ELMO1: variants seen among roughly 807,000 people sequenced by gnomAD.
ELMO1 encodes the protein engulfment and cell motility 1.
Under a neutral mutation model 98.9 loss-of-function variants are expected in ELMO1, and 26 were observed. The observed-to-expected ratio is 0.26, with a 90% CI of 0.19 to 0.36. The LOEUF (loss-of-function observed/expected upper bound fraction) is 0.36, where lower values mean the gene tolerates loss of function less well. Ranked by LOEUF, ELMO1 falls within the 10% of genes least tolerant of loss-of-function variation. ELMO1 has a pLI of 1.00. For synonymous variants in ELMO1, 346 were observed against 346.0 expected (o/e 1.00, Z 0.00); for missense variants, 627 against 935.2 (o/e 0.67, Z 4.30).
intron 1 of ELMO1, among the ~76,000 whole-genome samples, chr7:37,347,621 C>T (rs537015509): frequency 1.6e-4 from 24 of 152,252 alleles, no homozygotes; most frequent in African/African-American, 3.6e-4. Flanking sequence ...TCCTGTCTGC[C>T]GCCATGTAAG....
At chr7:37,319,357 G>A (rs983216866) in intron 2 of ELMO1, among the ~76,000 whole-genome samples, 5 of 152,102 alleles carry the variant, frequency 3.3e-5, no homozygotes, top group Admixed American at 1.3e-4. Flanking sequence ...CAGATATAAG[G>A]TGCTAACAGG....
rs1194784097 is a variant in ELMO1, at chr7:37,314,876, T to C, written c.166A>G (p.Ser56Gly). The C allele has an allele frequency of 3.1e-6, 5 of 1,613,726 alleles. No homozygotes were observed. The African/African-American group carries it at 4.0e-5, about 13-fold the overall frequency. The change falls in exon 4 of 22, where the codon AGT becomes GGT. Residue 56 changes from serine to glycine, a missense_variant. Coordinates refer to ENST00000310758, the MANE Select transcript of ELMO1 (RefSeq NM_014800.11). Reference protein sequence around the residue: ...HEYFALQHADSSNFYITEKNR... With the variant: ...HEYFALQHADGSNFYITEKNR... Reference sequence around the variant, plus strand: ...TTTTCTGTGATATAGAAGTTTGAACTATCGGCATGCTGGAGTGCAAAATAT... The same window carrying C: ...TTTTCTGTGATATAGAAGTTTGAACCATCGGCATGCTGGAGTGCAAAATAT...
chr7:37,013,458 AAG>A, intron 15 of ELMO1, 23 bp from the exon 16 acceptor site: 1 of 1,612,938 alleles, frequency 6.2e-7, no homozygotes, highest in Non-Finnish European at 8.5e-7. Context: ...GATGGAAAAT[AAG>A]AGAAAAAGTT....
chr7:37,154,809 A>C (rs566387420), intron 13 of ELMO1, among the ~76,000 whole-genome samples: 7 of 152,236 alleles, frequency 4.6e-5, no homozygotes, highest in Admixed American at 4.6e-4. Context: ...GGAAATACAC[A>C]GAATACCACA....
intron 16 of ELMO1, among the ~76,000 whole-genome samples, chr7:37,003,273 G>A (rs566348681): frequency 3.3e-5 from 5 of 152,234 alleles, no homozygotes; most frequent in South Asian, 4.1e-4. Context: ...CTTTAATCCC[G>A]GGTACTCGGG....
At chr7:37,338,258 A>G (rs764092738) in intron 2 of ELMO1, among the ~76,000 whole-genome samples, 4 of 152,216 alleles carry the variant, frequency 2.6e-5, no homozygotes, top group Non-Finnish European at 5.9e-5. Flanking sequence ...AGCCTTTCAC[A>G]GAAAGCAGGG....
intron 2 of ELMO1, among the ~76,000 whole-genome samples, chr7:37,334,409 G>A (rs747087803): frequency 3.9e-5 from 6 of 152,026 alleles, no homozygotes; most frequent in Non-Finnish European, 5.9e-5. Context: ...TTGCACCATC[G>A]CACTCCAGCC....
intron 15 of ELMO1, among the ~76,000 whole-genome samples, chr7:37,048,237 G>A (rs1005926491): frequency 6.6e-6 from 1 of 152,188 alleles, no homozygotes; most frequent in Non-Finnish European, 1.5e-5. Context: ...AACCAAAAGT[G>A]TCTCCAGACA....
Position 36,909,770 on chromosome 7 carries a change from G to A in ELMO1, c.1438-14753C>T, listed in dbSNP as rs76628283. On this transcript the variant is annotated intron_variant, in intron 16 of 21. Coordinates refer to ENST00000310758, the MANE Select transcript of ELMO1 (RefSeq NM_014800.11). ...TTTGCTTTGGTTATATTTAAAAAATGGAAAGTCTTTTTCTTCAAGGATTTA... is the reference window on the plus strand; with the variant it reads ...TTTGCTTTGGTTATATTTAAAAAATAGAAAGTCTTTTTCTTCAAGGATTTA... Among the ~76,000 whole-genome samples the A allele has an allele frequency of 2.8e-3, 419 of 152,282 alleles. 5 individuals carry two copies. The highest frequency in any genetic ancestry group is 9.4e-3 in the African/African-American group (392 of 41,550).
intron 19 of ELMO1, among the ~76,000 whole-genome samples, chr7:36,874,828 A>G (rs1309463806): frequency 1.3e-5 from 2 of 152,162 alleles, no homozygotes; most frequent in Non-Finnish European, 2.9e-5. Flanking sequence ...GGATATGGGG[A>G]GAGGGGGGAT....
intron 16 of ELMO1, among the ~76,000 whole-genome samples, chr7:36,935,082 GCTC>G (rs1474026950): frequency 6.6e-6 from 1 of 152,200 alleles, no homozygotes; most frequent in East Asian, 1.9e-4. Flanking sequence ...TCGAATTGTA[GCTC>G]CCATAATTCC....
chr7:37,174,317 C>G (rs958467681), intron 13 of ELMO1, among the ~76,000 whole-genome samples: 6 of 152,160 alleles, frequency 3.9e-5, no homozygotes, highest in Non-Finnish European at 8.8e-5. Flanking sequence ...CGGAGGCAAA[C>G]CTACTTCACT....
At chr7:36,964,488 C>A (rs144266310) in intron 16 of ELMO1, among the ~76,000 whole-genome samples, 5 of 152,284 alleles carry the variant, frequency 3.3e-5, no homozygotes, top group African/African-American at 1.2e-4. Flanking sequence ...GTGTGTCGCT[C>A]TCACATCATC....
At chr7:37,280,475 G>C (rs547272277) in intron 4 of ELMO1, among the ~76,000 whole-genome samples, 1 of 151,820 alleles carries the variant, frequency 6.6e-6, no homozygotes, top group Non-Finnish European at 1.5e-5. Flanking sequence ...TTGATATCCA[G>C]AATCTACAAC....
At chr7:37,039,842 A>G (rs1339116346) in intron 15 of ELMO1, among the ~76,000 whole-genome samples, 1 of 152,240 alleles carries the variant, frequency 6.6e-6, no homozygotes, top group Admixed American at 6.5e-5. Flanking sequence ...ATGCTGATTG[A>G]AGATAAATTA....
Position 37,019,411 on chromosome 7 carries a change from C to A in ELMO1, c.1301-5976G>T, listed in dbSNP as rs138405949. Among the ~76,000 whole-genome samples the A allele has an allele frequency of 2.6e-5, 4 of 152,346 alleles. No individual in the cohort carries two copies. In the East Asian group the frequency reaches 7.7e-4, roughly 29 times the overall value. On this transcript the variant is annotated intron_variant, in intron 15 of 21. Coordinates refer to ENST00000310758, the MANE Select transcript of ELMO1 (RefSeq NM_014800.11). Reference sequence around the variant, plus strand: ...TATTTGGATACAAACTTCATCATTTCGCTGTGAGGATCAAATGGGAACAGT... The same window carrying A: ...TATTTGGATACAAACTTCATCATTTAGCTGTGAGGATCAAATGGGAACAGT...
At chr7:37,127,301 C>T (rs968565143) in intron 14 of ELMO1, among the ~76,000 whole-genome samples, 5 of 152,300 alleles carry the variant, frequency 3.3e-5, no homozygotes, top group East Asian at 1.9e-4. Flanking sequence ...CTGAATATGA[C>T]GACTTGTTTG....
intron 1 of ELMO1, among the ~76,000 whole-genome samples, chr7:37,422,091 G>GTTTAGAACATCTGGCTAACAGGA (rs1191882794): frequency 6.6e-6 from 1 of 152,236 alleles, no homozygotes; most frequent in Non-Finnish European, 1.5e-5. Context: ...TAGCTCTCAT[G>GTTTAGAACATCTGGCTAACAGGA]TTTAGAACAT....
At chr7:37,155,638 T>C (rs1302632566) in intron 13 of ELMO1, among the ~76,000 whole-genome samples, 2 of 152,130 alleles carry the variant, frequency 1.3e-5, no homozygotes, top group Admixed American at 6.5e-5. Flanking sequence ...CCTAAATATA[T>C]ATGCACCCAA....
Sources: allele counts gnomAD v4.1 joint callset (sites outside exome capture counted in the v4.1 genomes callset), GRCh38; gene constraint gnomAD v4.1.1; transcripts MANE v1.5; gene names NCBI Gene and HGNC (gene_info 2026-07-23, HGNC 2026-07-21).